The following SLC5A10 variants were observed in gnomAD, a reference collection of about 807,000 sequenced individuals.
The protein encoded by SLC5A10 is solute carrier family 5 member 10.
Under a neutral mutation model 68.9 loss-of-function variants are expected in SLC5A10, and 55 were observed. The observed-to-expected ratio is 0.80, with a 90% CI of 0.64 to 1.00. The LOEUF (loss-of-function observed/expected upper bound fraction) is 1.00, where lower values mean the gene tolerates loss of function less well. Among genes scored for constraint, SLC5A10 ranks in the 50% least tolerant of loss-of-function variants. The probability of loss-of-function intolerance (pLI) is 0.00; values close to 1 mark genes in which losing one functional copy is unlikely to be tolerated. For synonymous variants in SLC5A10, 344 were observed against 344.8 expected, an observed-to-expected ratio of 1.00 and a Z score of 0.02; for missense variants, 732 against 819.3, an observed-to-expected ratio of 0.89 and a Z score of 1.30.
In SLC5A10 at chr17:19,000,498, A is replaced by C. The variant is rs991545199; in HGVS notation, c.983-12912A>C. Among the ~76,000 whole-genome samples the C allele has an allele frequency of 2.0e-5, 3 of 152,134 alleles. No individual in the cohort carries two copies. Among genetic ancestry groups the C allele is most frequent in the Admixed American group, 2.0e-4 (3 of 15,284 alleles). On this transcript the variant is annotated intron_variant, in intron 9 of 14. Transcript: ENST00000395645. This position sits in a 1 kb window ranked among gnomAD's most constrained non-coding sequence, Gnocchi z 5.2. ...AGTTCCATTCTAGTCATTTGGGAAC[A>C]GGGGGGACTGACAGCAGTCCTGACA...
Position 18,968,777 on chromosome 17 carries a change from TAAC to T in SLC5A10, c.454-270_454-268del, listed in dbSNP as rs1026138640. ...CCCCTCGGGAAGGGGCCAGATTCAA[TAAC>T]AACACTGCTTTTGGGAAAGGCATTG... On this transcript the variant is annotated intron_variant, in intron 5 of 14. Transcript: ENST00000395645. This position sits in a 1 kb window ranked among gnomAD's most constrained non-coding sequence, Gnocchi z 4.1. 1.9e-5 allele frequency: 9 copies of T among 473,130 alleles called. No homozygotes were observed. In the Admixed American group the frequency reaches 3.0e-4, roughly 16 times the overall value. The allele number at this position is 473,130 out of a possible 1,614,324, so 29.3% of individuals were successfully genotyped here.
At chr17:19,008,922 G>A (rs1028977067) in intron 9 of SLC5A10, among the ~76,000 whole-genome samples, 4 of 150,036 alleles carry the variant, frequency 2.7e-5, no homozygotes, top group South Asian at 2.1e-4. Flanking sequence ...AGCGATTCTC[G>A]TGCCGTAGCC....
intron 5 of SLC5A10, among the ~76,000 whole-genome samples, chr17:18,962,537 G>C (rs966320409): frequency 6.6e-6 from 1 of 152,148 alleles, no homozygotes; most frequent in Admixed American, 6.5e-5. Flanking sequence ...TGCCACATTT[G>C]CCTCTCGGCT....
chr17:18,956,902 G>A (rs1027104880), intron 1 of SLC5A10, among the ~76,000 whole-genome samples: 1 of 152,074 alleles, frequency 6.6e-6, no homozygotes, highest in African/African-American at 2.4e-5. Context: ...AACCCTGTGA[G>A]GGTTAGGAAG....
At chr17:18,988,196 CTGAA>C (rs1441574731) in intron 9 of SLC5A10, 1 of 1,587,478 alleles carries the variant, frequency 6.3e-7, no homozygotes. Context: ...TGTTGACAGA[CTGAA>C]TGACCCCTGC....
At chr17:18,988,779 C>A (rs2152129945) in intron 9 of SLC5A10, among the ~76,000 whole-genome samples, 1 of 152,352 alleles carries the variant, frequency 6.6e-6, no homozygotes, top group Non-Finnish European at 1.5e-5. Flanking sequence ...CCCCTACATT[C>A]CTGGGCTGGT....
chr17:18,956,055 A>C (rs79021072), intron 1 of SLC5A10, among the ~76,000 whole-genome samples: 6 of 152,156 alleles, frequency 3.9e-5, no homozygotes, highest in Non-Finnish European at 1.5e-5. Context: ...TTAGCCGGGC[A>C]TGGTGGCACA....
rs117874273 is a variant in SLC5A10 at position 18,997,700 on chromosome 17, G to A, written c.983-15710G>A. On this transcript the variant is annotated intron_variant, in intron 9 of 14. Transcript: ENST00000395645. The stretch of plus-strand genomic sequence containing the variant: ...CTGGTGCCCACATGCTCTCTGCTGC[G>A]TTCCAGTGAGCCCCTGCTTGAACTT... 6.2e-3 allele frequency among the ~76,000 whole-genome samples: 951 copies of A among 152,248 alleles called. 2 individuals carry two copies. Among genetic ancestry groups the A allele is most frequent in the Middle Eastern group, 0.014 (4 of 294 alleles).
chr17:18,963,053 A>G (rs2042642030), intron 5 of SLC5A10, among the ~76,000 whole-genome samples: 1 of 152,198 alleles, frequency 6.6e-6, no homozygotes, highest in Non-Finnish European at 1.5e-5. Flanking sequence ...CTCCATCTCT[A>G]CTAAAATACA....
intron 9 of SLC5A10, among the ~76,000 whole-genome samples, chr17:18,999,821 C>T (rs1043549890): frequency 6.6e-6 from 1 of 152,228 alleles, no homozygotes; most frequent in African/African-American, 2.4e-5. Flanking sequence ...CCCTGGCCAC[C>T]GGCGCCTCAC....
intron 9 of SLC5A10, among the ~76,000 whole-genome samples, chr17:18,993,939 G>C (rs988438357): frequency 2.0e-5 from 3 of 152,140 alleles, no homozygotes; most frequent in African/African-American, 4.8e-5. Context: ...TCCACAAACG[G>C]CAGCTGCACG....
rs773122516 is a variant in SLC5A10 at position 19,021,098 on chromosome 17, C to G, written c.*667C>G. 5 of 152,532 alleles carry G rather than the reference C, an allele frequency of 3.3e-5. No individual in the cohort carries two copies. The highest frequency in any genetic ancestry group is 5.9e-5 in the Non-Finnish European group (4 of 68,312). 9.4% of individuals were successfully genotyped at this position (152,532 alleles called of 1,614,324 possible). A position where few individuals can be genotyped will look rare whatever the true frequency, so the allele number is the denominator to read the frequency against. ...GCCGTGCCCCACCTAGGTAGCCGTC[C>G]CATGTGGGATCCTGTAGGATCTCTA... On this transcript the variant is annotated 3_prime_UTR_variant, in exon 15 of 15. Transcript: ENST00000395645. This position sits in a 1 kb window ranked among gnomAD's most constrained non-coding sequence, Gnocchi z 4.1.
In SLC5A10 at chr17:18,971,669, C is replaced by T. The variant is rs375858545; in HGVS notation, c.846+451C>T. The T allele has an allele frequency of 9.9e-6, 16 of 1,612,636 alleles. No individual in the cohort carries two copies. Among genetic ancestry groups the T allele is most frequent in the African/African-American group, 8.0e-5 (6 of 74,900 alleles). On this transcript the variant is annotated intron_variant, in intron 8 of 14. Coordinates refer to ENST00000395645, the MANE Select transcript of SLC5A10 (RefSeq NM_001042450.4). The surrounding 1 kb of genome is among the most constrained non-coding windows in gnomAD (Gnocchi z 5.5). ...GCTCTGGACGCTGTCAGCAGCAGAGCGGTACCTAGGGGGTCCTGGGAAGCC... is the reference window on the plus strand; with the variant it reads ...GCTCTGGACGCTGTCAGCAGCAGAGTGGTACCTAGGGGGTCCTGGGAAGCC...
In SLC5A10 at chr17:18,971,508, C is replaced by A. The variant is rs1187543761; in HGVS notation, c.846+290C>A. 1.2e-6 allele frequency: 2 copies of A among 1,614,004 alleles called. No individual in the cohort carries two copies. Among genetic ancestry groups the A allele is most frequent in the East Asian group, 2.2e-5 (1 of 44,878 alleles). ...AAGGGACTCGGATGCTCCTCGGTGG[C>A]CCTGCCATCGGTCATGGGGCGGGCA... is the stretch of plus-strand genomic sequence containing the variant. On this transcript the variant is annotated intron_variant, in intron 8 of 14. Transcript: ENST00000395645. This position sits in a 1 kb window ranked among gnomAD's most constrained non-coding sequence, Gnocchi z 5.5.
chr17:18,964,813 C>T, intron 5 of SLC5A10, among the ~76,000 whole-genome samples: 1 of 152,144 alleles, frequency 6.6e-6, no homozygotes, highest in East Asian at 1.9e-4. Context: ...AGGGCCTCTG[C>T]CGGGCGGGGG....
chr17:18,980,153 G>A (rs887325831), intron 9 of SLC5A10, among the ~76,000 whole-genome samples: 1 of 152,154 alleles, frequency 6.6e-6, no homozygotes, highest in Non-Finnish European at 1.5e-5. Context: ...CTTATACTCC[G>A]ATAAGTCTGT....
chr17:19,020,080 A>G (rs1356263356), intron 13 of SLC5A10, 75 bp from the exon 14 acceptor site: 5 of 1,488,596 alleles, frequency 3.4e-6, no homozygotes, highest in South Asian at 1.2e-5. Flanking sequence ...GCCATCCCCA[A>G]CCTTTGATCC....
At chr17:18,999,921 T>A (rs1487025510) in intron 9 of SLC5A10, among the ~76,000 whole-genome samples, 1 of 152,180 alleles carries the variant, frequency 6.6e-6, no homozygotes, top group Non-Finnish European at 1.5e-5. Context: ...GGGATCCTGC[T>A]AAGGCCCCCC....
At chr17:19,013,307 G>T in intron 9 of SLC5A10, 103 bp from the exon 10 acceptor site, 1 of 1,542,806 alleles carries the variant, frequency 6.5e-7, no homozygotes, top group South Asian at 1.2e-5. Context: ...CAGAGGCATT[G>T]ATGGAGCAGG....
Sources: allele counts gnomAD v4.1 joint callset (sites outside exome capture counted in the v4.1 genomes callset), GRCh38; gene constraint gnomAD v4.1.1; non-coding constraint Gnocchi (gnomAD v3.1); transcripts MANE v1.5; gene names NCBI Gene and HGNC (gene_info 2026-07-23, HGNC 2026-07-21).